The following CCDC88A variants were observed in gnomAD, a reference collection of about 807,000 sequenced individuals.
CCDC88A encodes the protein coiled-coil and HOOK domain protein 88A.
CCDC88A carries 54 observed loss-of-function variants against 234.3 expected under a neutral mutation model. The ratio of observed to expected loss-of-function variants is 0.23; its 90% CI spans 0.19 to 0.29. CCDC88A has a LOEUF of 0.29. Among genes scored for constraint, CCDC88A ranks in the 10% least tolerant of loss-of-function variants. The pLI is 1.00. For synonymous variants in CCDC88A, 753 were observed against 737.8 expected (o/e 1.02, Z -0.33); for missense variants, 1,832 against 2,123.4 (o/e 0.86, Z 2.70).
At chr2:55,389,601 T>C (rs1224304977) in intron 2 of CCDC88A, among the ~76,000 whole-genome samples, 4 of 152,186 alleles carry the variant, frequency 2.6e-5, no homozygotes, top group African/African-American at 7.2e-5. Context: ...CTTCAGTTCC[T>C]TCCCTAAACA....
intron 2 of CCDC88A, among the ~76,000 whole-genome samples, chr2:55,396,264 T>C (rs1677532479): frequency 6.6e-6 from 1 of 152,182 alleles, no homozygotes; most frequent in Admixed American, 6.5e-5. Context: ...TTTAGGTATA[T>C]TTACAGTTAC....
At chr2:55,354,172 GCT>G (rs1670262186) in intron 8 of CCDC88A, among the ~76,000 whole-genome samples, 1 of 149,042 alleles carries the variant, frequency 6.7e-6, no homozygotes, top group African/African-American at 2.5e-5. Context: ...ACAGAGTCTC[GCT>G]CTGTCAGCCA....
intron 7 of CCDC88A, among the ~76,000 whole-genome samples, chr2:55,359,965 TTA>T (rs1306727637): frequency 1.3e-5 from 2 of 152,120 alleles, no homozygotes; most frequent in African/African-American, 4.8e-5. Context: ...TATTACAGTA[TTA>T]TGTTTCTAAC....
intron 8 of CCDC88A, among the ~76,000 whole-genome samples, chr2:55,352,558 G>A (rs941740679): frequency 1.3e-5 from 2 of 151,846 alleles, no homozygotes; most frequent in African/African-American, 2.4e-5. Flanking sequence ...TCTGACCTGC[G>A]AATTATATCT....
rs1038489932 is a variant in CCDC88A, at chr2:55,369,436, C to T, written c.402+3016G>A. On this transcript the variant is annotated intron_variant, in intron 5 of 32. Transcript: ENST00000436346. ...TTGCCACTCATCCCCATGAATCCTA[C>T]GTTTCAACCACACTTTTTTTTTTTT... Among the ~76,000 whole-genome samples the T allele has an allele frequency of 5.5e-5, 8 of 146,680 alleles. No individual in the cohort carries two copies. The South Asian group carries it at 1.3e-3, about 24-fold the overall frequency.
intron 12 of CCDC88A, among the ~76,000 whole-genome samples, chr2:55,342,368 A>G (rs959497171): frequency 1.3e-5 from 2 of 152,174 alleles, no homozygotes; most frequent in Non-Finnish European, 2.9e-5. Flanking sequence ...CAACAGTGAC[A>G]TAATAATAAT....
At chr2:55,396,667 G>T (rs772621025) in intron 2 of CCDC88A, among the ~76,000 whole-genome samples, 1 of 151,976 alleles carries the variant, frequency 6.6e-6, no homozygotes, top group Non-Finnish European at 1.5e-5. Flanking sequence ...TCTGGAGATC[G>T]AGACCATCCT....
rs1341501779 is a variant in CCDC88A at position 55,336,726 on chromosome 2, C to T, written c.1611G>A (p.Gln537=). The T allele has an allele frequency of 3.1e-6, 5 of 1,598,220 alleles. No individual in the cohort carries two copies. The highest frequency in any genetic ancestry group is 4.3e-6 in the Non-Finnish European group (5 of 1,172,446). The change falls in exon 14 of 33, where the codon CAG becomes CAA. Residue 537 remains glutamine (Q), a synonymous_variant. Transcript: ENST00000436346. ...TCAGTGTTTCTATTGTTTTTTCAAG[C>T]TGAGCTTTCTCCTTCATTAGATCCT... is the stretch of plus-strand genomic sequence containing the variant. The part of the protein sequence containing the change: ...LSKDLMKEKA[Q]LEKTIETLRE...
At chr2:55,358,694 C>G (rs937016906) in intron 7 of CCDC88A, among the ~76,000 whole-genome samples, 2 of 151,978 alleles carry the variant, frequency 1.3e-5, no homozygotes, top group African/African-American at 4.8e-5. Flanking sequence ...ATAGATAATC[C>G]TTACTTAAAC....
chr2:55,348,309 T>C (rs1183998616), intron 9 of CCDC88A: 1 of 152,170 alleles, frequency 6.6e-6, no homozygotes, highest in African/African-American at 2.4e-5. Context: ...AGTCTCGCAC[T>C]GTTGCCCGGG....
chr2:55,381,176 T>C (rs1302106438), intron 3 of CCDC88A, among the ~76,000 whole-genome samples: 1 of 152,130 alleles, frequency 6.6e-6, no homozygotes, highest in Non-Finnish European at 1.5e-5. Context: ...ATACCGTAGG[T>C]GTGTAGTAGA....
chr2:55,299,418 C>T (rs1468671560), intron 29 of CCDC88A, among the ~76,000 whole-genome samples: 1 of 152,032 alleles, frequency 6.6e-6, no homozygotes, highest in African/African-American at 2.4e-5. Context: ...AGTTGTTTCT[C>T]AAATTAAACA....
rs1167947929 is a variant in CCDC88A, at chr2:55,335,724, T to G, written c.1657-560A>C. 6.6e-6 allele frequency among the ~76,000 whole-genome samples: 1 copy of G among 152,200 alleles called. No homozygotes were observed. The highest frequency in any genetic ancestry group is 1.5e-5 in the Non-Finnish European group (1 of 68,042). On this transcript the variant is annotated intron_variant, in intron 14 of 32. Transcript: ENST00000436346. This position sits in a 1 kb window ranked among gnomAD's most constrained non-coding sequence, Gnocchi z 4.5. ...GAACTAATTCATCCAATTTATAGCG[T>G]GATCTAATACAATGATTCTCAAAAT... is the stretch of plus-strand genomic sequence containing the variant.
chr2:55,331,151 A>T (rs1684866426), intron 16 of CCDC88A, among the ~76,000 whole-genome samples: 1 of 152,214 alleles, frequency 6.6e-6, no homozygotes. Context: ...TCTTTTGCAA[A>T]CAACATGCAG....
intron 7 of CCDC88A, among the ~76,000 whole-genome samples, chr2:55,358,409 C>G (rs1391841398): frequency 2.6e-5 from 4 of 152,132 alleles, no homozygotes; most frequent in Non-Finnish European, 5.9e-5. Flanking sequence ...AAAGCTCTAA[C>G]AGAAAAACAA....
rs762847839 is a variant in CCDC88A at position 55,296,520 on chromosome 2, C to T, written c.4829G>A (p.Gly1610Asp). ...NNASLHEVKA[G>D]AVNNQSRPQS... ...TGGCCTGCTTTGGTTATTAACTGCA[C>T]CTGCTTTTGGAGTAAATGGGGTGTT... Residue 1610 changes from glycine to aspartate, a missense_variant, in exon 30 of 33, where the codon GGT becomes GAT. Coordinates refer to ENST00000436346, the MANE Select transcript of CCDC88A (RefSeq NM_001365480.1). 6.2e-7 allele frequency: 1 copy of T among 1,613,302 alleles called. No individual in the cohort carries two copies. The highest frequency in any genetic ancestry group is 1.1e-5 in the South Asian group (1 of 90,894).
At chr2:55,345,497 A>AG (rs1668993007) in intron 10 of CCDC88A, 1 of 152,534 alleles carries the variant, frequency 6.6e-6, no homozygotes, top group Non-Finnish European at 1.5e-5. Flanking sequence ...CCTCGGTTCA[A>AG]GCGATTCTCC....
Position 55,302,086 on chromosome 2 carries a change from G to A in CCDC88A, c.4472-14C>T. 1 of 1,589,582 alleles carries A rather than the reference G, an allele frequency of 6.3e-7. No individual in the cohort carries two copies. Among genetic ancestry groups the A allele is most frequent in the Non-Finnish European group, 8.6e-7 (1 of 1,157,854 alleles). On this transcript the variant is annotated splice_polypyrimidine_tract_variant and intron_variant, in intron 26 of 32. Transcript: ENST00000436346. Reference sequence around the variant, plus strand: ...GGTCATTCATGGCTGGGATGCAAATGAAAGCAAATGAATCAGCATGGTTAA... The same window carrying A: ...GGTCATTCATGGCTGGGATGCAAATAAAAGCAAATGAATCAGCATGGTTAA...
At chr2:55,385,922 G>T (rs1026311218) in intron 3 of CCDC88A, among the ~76,000 whole-genome samples, 37 of 140,854 alleles carry the variant, frequency 2.6e-4, no homozygotes, top group African/African-American at 9.7e-4. Context: ...AACTTCTCCA[G>T]AGCAAAAAGA....
Sources: gnomAD v4.1 joint callset for allele counts (sites outside exome capture counted in the v4.1 genomes callset) on GRCh38, gnomAD v4.1.1 for gene constraint, Gnocchi (gnomAD v3.1) non-coding constraint, MANE v1.5 for transcripts, NCBI Gene and HGNC (gene_info 2026-07-23, HGNC 2026-07-21) for gene names.